EYS: variants seen among roughly 807,000 people sequenced by gnomAD.
EYS encodes EGF-like photoreceptor maintenance factor.
A neutral mutation model predicts 282.1 loss-of-function variants in EYS; 250 were observed. The observed-to-expected ratio is 0.89, with a 90% CI of 0.80 to 0.98. The LOEUF is 0.98. Among genes scored for constraint, EYS ranks in the 50% least tolerant of loss-of-function variants. The probability of loss-of-function intolerance (pLI) is 0.00; values close to 1 mark genes in which losing one functional copy is unlikely to be tolerated. For missense variants in EYS, 4,016 were observed against 3,709.0 expected (o/e 1.08, Z -2.15); for synonymous variants, 1,355 against 1,282.9 (o/e 1.06, Z -1.20).
intron 31 of EYS, among the ~76,000 whole-genome samples, chr6:64,089,543 A>T (rs1220279688): frequency 7.2e-6 from 1 of 138,430 alleles, no homozygotes; most frequent in Non-Finnish European, 1.6e-5. Flanking sequence ...AATTATACTA[A>T]ACTTTTTTAC....
chr6:64,309,872 A>G lies in EYS; in HGVS notation c.6079-2790T>C, dbSNP rs547184362. Among the ~76,000 whole-genome samples the G allele has an allele frequency of 2.0e-4, 31 of 151,902 alleles. No individual in the cohort carries two copies. In the South Asian group the frequency reaches 6.0e-3, roughly 30 times the overall value. On this transcript the variant is annotated intron_variant, in intron 29 of 42. Coordinates refer to ENST00000503581, the MANE Select transcript of EYS (RefSeq NM_001142800.2). ...CCCAGCTACTCGGGAGGCTGTGGCA[A>G]GAGAATTGCTTAAACCTTGGAGGAG...
At chr6:64,637,927 T>C (rs924711978) in intron 22 of EYS, among the ~76,000 whole-genome samples, 2 of 90,196 alleles carry the variant, frequency 2.2e-5, no homozygotes, top group Admixed American at 1.2e-4. Context: ...AAAAGAAATT[T>C]TTTTGTTCTT....
chr6:64,908,693 C>T (rs1031888827), intron 16 of EYS, among the ~76,000 whole-genome samples: 5 of 152,006 alleles, frequency 3.3e-5, no homozygotes, highest in Admixed American at 1.3e-4. Context: ...CTGTCTCTTC[C>T]CGAAAGTCAG....
intron 29 of EYS, among the ~76,000 whole-genome samples, chr6:64,332,020 G>A (rs1770663251): frequency 6.6e-6 from 1 of 152,212 alleles, no homozygotes; most frequent in African/African-American, 2.4e-5. Flanking sequence ...GTTTGTGGTA[G>A]AGATAGTACA....
At chr6:65,704,381 C>A (rs1187697054) in intron 1 of EYS, among the ~76,000 whole-genome samples, 1 of 152,176 alleles carries the variant, frequency 6.6e-6, no homozygotes, top group Non-Finnish European at 1.5e-5. Flanking sequence ...TAGTCTTAAA[C>A]CACTGTGTCT....
intron 35 of EYS, among the ~76,000 whole-genome samples, chr6:63,920,638 G>A (rs971335999): frequency 1.3e-5 from 2 of 152,222 alleles, no homozygotes; most frequent in African/African-American, 4.8e-5. Context: ...AACCACATGA[G>A]TTGGATTCAG....
chr6:64,353,202 A>T (rs1319569802), intron 29 of EYS, among the ~76,000 whole-genome samples: 1 of 151,422 alleles, frequency 6.6e-6, no homozygotes, highest in Non-Finnish European at 1.5e-5. Context: ...ATATAATATT[A>T]TATTGGTGGT....
chr6:64,468,937 T>C (rs570280100), intron 26 of EYS, among the ~76,000 whole-genome samples: 1 of 152,208 alleles, frequency 6.6e-6, no homozygotes, highest in Non-Finnish European at 1.5e-5. Context: ...ATGTCTTTGC[T>C]ATTGTGACTA....
chr6:63,821,477 C>T (rs1473487176), intron 36 of EYS: 1 of 152,112 alleles, frequency 6.6e-6, no homozygotes, highest in Non-Finnish European at 1.5e-5. Flanking sequence ...ATATGTATCC[C>T]TGAAGTTTGA....
In EYS at chr6:64,435,255, G is replaced by A. The variant is rs1178821618; in HGVS notation, c.5927+919C>T. ...TCATTTTGAGTATTCTGGGTGGGGA[G>A]TAGATATGATGTAGGCTTTCCTCAA... On this transcript the variant is annotated intron_variant, in intron 28 of 42. Transcript: ENST00000503581. 2.6e-5 allele frequency among the ~76,000 whole-genome samples: 4 copies of A among 151,900 alleles called. No individual in the cohort carries two copies. In the East Asian group the frequency reaches 5.8e-4, roughly 22 times the overall value.
Position 64,204,816 on chromosome 6 carries a change from T to C in EYS, c.6424+25776A>G, listed in dbSNP as rs561900872. 6.6e-5 allele frequency among the ~76,000 whole-genome samples: 10 copies of C among 152,276 alleles called. No individual in the cohort carries two copies. In the South Asian group the frequency reaches 1.9e-3, roughly 28 times the overall value. Reference sequence around the variant, plus strand: ...ATTCATCTAATGGTACATCAAAGAATTGAATATTTCATTCTTGTGAATTTT... The same window carrying C: ...ATTCATCTAATGGTACATCAAAGAACTGAATATTTCATTCTTGTGAATTTT... On this transcript the variant is annotated intron_variant, in intron 31 of 42. Transcript: ENST00000503581.
Position 64,997,953 on chromosome 6 carries a change from A to T in EYS, c.2138-250T>A, listed in dbSNP as rs78085767. Among the ~76,000 whole-genome samples the T allele has an allele frequency of 3.4e-4, 52 of 152,280 alleles. No individual in the cohort carries two copies. The East Asian group carries it at 0.01, about 29-fold the overall frequency. On this transcript the variant is annotated intron_variant, in intron 13 of 42. Coordinates refer to ENST00000503581, the MANE Select transcript of EYS (RefSeq NM_001142800.2). ...AGAACAATTACTATGGACATTTGGTAATAGTTTGCAAAGCAACAATGAAAA... is the reference window on the plus strand; with the variant it reads ...AGAACAATTACTATGGACATTTGGTTATAGTTTGCAAAGCAACAATGAAAA...
chr6:64,078,963 T>G (rs1239278168), intron 32 of EYS, among the ~76,000 whole-genome samples: 3 of 152,100 alleles, frequency 2.0e-5, no homozygotes, highest in South Asian at 4.1e-4. Flanking sequence ...TGGGTGCTGC[T>G]TTAACTATGA....
intron 12 of EYS, among the ~76,000 whole-genome samples, chr6:65,267,107 A>C (rs1767778282): frequency 6.6e-6 from 1 of 151,510 alleles, no homozygotes; most frequent in Non-Finnish European, 1.5e-5. Context: ...GCAGACAAGT[A>C]CCTCGGCTTT....
At chr6:65,456,325 C>G (rs146930834) in intron 5 of EYS, among the ~76,000 whole-genome samples, 5 of 151,740 alleles carry the variant, frequency 3.3e-5, no homozygotes, top group African/African-American at 7.3e-5. Context: ...GGTGGAGTGC[C>G]GGTAGTCCCA....
chr6:64,924,161 C>T (rs190394886), intron 15 of EYS, among the ~76,000 whole-genome samples: 1 of 152,298 alleles, frequency 6.6e-6, no homozygotes. Context: ...GGCAGAGGTT[C>T]CCAAACCTCA....
chr6:63,808,864 C>T (rs912590834), intron 36 of EYS, among the ~76,000 whole-genome samples: 1 of 151,930 alleles, frequency 6.6e-6, no homozygotes, highest in Non-Finnish European at 1.5e-5. Context: ...AATAACATTC[C>T]CATATCCGTT....
chr6:64,298,401 G>A (rs984587396), intron 30 of EYS, among the ~76,000 whole-genome samples: 6 of 152,088 alleles, frequency 3.9e-5, no homozygotes, highest in Non-Finnish European at 8.8e-5. Context: ...ATGTAATTTT[G>A]TGCCATCAAC....
intron 11 of EYS, among the ~76,000 whole-genome samples, chr6:65,320,408 C>T (rs1769440013): frequency 6.6e-6 from 1 of 152,150 alleles, no homozygotes; most frequent in African/African-American, 2.4e-5. Context: ...TAGGAGGAAT[C>T]CAGACGGATA....
Sources: allele counts gnomAD v4.1 joint callset (sites outside exome capture counted in the v4.1 genomes callset), GRCh38; gene constraint gnomAD v4.1.1; transcripts MANE v1.5; gene names NCBI Gene and HGNC (gene_info 2026-07-23, HGNC 2026-07-21).